KIR2DL1: variants seen among roughly 807,000 people sequenced by gnomAD.
KIR2DL1 encodes the protein killer cell immunoglobulin-like receptor 2DL1.
In KIR2DL1, 38 loss-of-function variants were observed where a neutral mutation model predicts 33.9. That is an observed-to-expected ratio of 1.12 (90% confidence interval 0.86 to 1.47). The LOEUF is 1.47. Ranked by LOEUF, KIR2DL1 falls within the 40% of genes most tolerant of loss-of-function variation. KIR2DL1 has a pLI of 0.00. For missense variants in KIR2DL1, 531 were observed against 433.9 expected (o/e 1.22, Z -1.99); for synonymous variants, 179 against 165.9 (o/e 1.08, Z -0.61).
chr19:54,779,569 T>G lies in KIR2DL1; in HGVS notation c.715+907T>G, dbSNP rs928633615. On this transcript the variant is annotated intron_variant, in intron 5 of 7. Transcript: ENST00000336077. ...GGGGATTCTATTGGGTTCACCAAGA[T>G]GAAAATCCCTCATAATCTCCTGGAA... Among the ~76,000 whole-genome samples, 8 of 146,546 alleles carry G rather than the reference T, an allele frequency of 5.5e-5. 1 individual carries two copies. Among genetic ancestry groups the G allele is most frequent in the African/African-American group, 2.0e-4 (8 of 40,042 alleles).
At chr19:54,779,188 T>C (rs75977233) in intron 5 of KIR2DL1, among the ~76,000 whole-genome samples, 19,235 of 116,994 alleles carry the variant, frequency 0.16, 72 homozygotes, top group South Asian at 0.27. Flanking sequence ...CTGTGCAGTG[T>C]GGAACCTTTT....
intron 4 of KIR2DL1, among the ~76,000 whole-genome samples, chr19:54,778,287 T>C (rs1395254358): frequency 1.3e-5 from 2 of 149,724 alleles, no homozygotes; most frequent in Non-Finnish European, 3.0e-5. Context: ...CCATTGGATG[T>C]AAATGCATGG....
At chr19:54,774,946 A>G (rs1463459254) in intron 3 of KIR2DL1, among the ~76,000 whole-genome samples, 1 of 148,466 alleles carries the variant, frequency 6.7e-6, no homozygotes. Context: ...ACAATCCAAA[A>G]AGAGAAAACA....
Position 54,775,441 on chromosome 19 carries a change from T to A in KIR2DL1, c.647T>A (p.Leu216Gln). Reference protein sequence around the residue: ...PYEWSKSSDPLLVSVTGNPSN... With the variant: ...PYEWSKSSDPQLVSVTGNPSN... ...GAGTGGTCAAAGTCAAGTGACCCAC[T>A]GCTTGTTTCTGTCACAGGTGAGGAA... The change falls in exon 4 of 8, where the codon CTG (leucine) becomes CAG (glutamine). Residue 216 changes from leucine (L) to glutamine (Q), a missense_variant. Leu to Gln is a moderately radical substitution (Grantham distance 113). Transcript: ENST00000336077. 6.3e-7 allele frequency: 1 copy of A among 1,584,456 alleles called. No individual in the cohort carries two copies. Among genetic ancestry groups the A allele is most frequent in the Non-Finnish European group, 8.6e-7 (1 of 1,156,492 alleles).
chr19:54,783,619 G>A lies in KIR2DL1; in HGVS notation c.871-18G>A, dbSNP rs2077314927. On this transcript the variant is annotated intron_variant, in intron 7 of 7. Transcript: ENST00000336077. The stretch of plus-strand genomic sequence containing the variant: ...AAATGTGAGCACCCTCCCTCACTCA[G>A]CATTTCCCTCTCTCCAGGACTCTGA... 6.2e-7 allele frequency: 1 copy of A among 1,613,820 alleles called. No individual in the cohort carries two copies. Among genetic ancestry groups the A allele is most frequent in the Non-Finnish European group, 8.5e-7 (1 of 1,179,960 alleles).
At position 54,782,905 on chromosome 19, in the gene KIR2DL1, G is replaced by A. The variant is rs2077178367; in HGVS notation, c.716-17G>A. 1.9e-6 allele frequency: 3 copies of A among 1,608,346 alleles called. No homozygotes were observed. The highest frequency in any genetic ancestry group is 1.7e-6 in the Non-Finnish European group (2 of 1,175,260). ...CTGCTAAGATTAGCTTCTTATTGGT[G>A]TCTCATCTTCTTCCAGGTAACCCCC... On this transcript the variant is annotated splice_polypyrimidine_tract_variant and intron_variant, in intron 5 of 7. Transcript: ENST00000336077.
At chr19:54,783,398 G>A in intron 6 of KIR2DL1, 88 bp from the exon 7 acceptor site, 3 of 1,472,346 alleles carry the variant, frequency 2.0e-6, no homozygotes, top group Non-Finnish European at 2.8e-6. Flanking sequence ...AGCCACCTAT[G>A]GTCTCCCCCT....
chr19:54,779,569 T>A (rs928633615), intron 5 of KIR2DL1, among the ~76,000 whole-genome samples: 1 of 146,546 alleles, frequency 6.8e-6, no homozygotes, highest in Non-Finnish European at 1.5e-5. Context: ...TTCACCAAGA[T>A]GAAAATCCCT....
intron 2 of KIR2DL1, among the ~76,000 whole-genome samples, chr19:54,772,001 G>A (rs374892840): frequency 1.4e-5 from 2 of 147,806 alleles, no homozygotes; most frequent in South Asian, 4.3e-4. Context: ...ACTGTATTTG[G>A]GGTAAAGGGG....
chr19:54,781,235 C>T (rs1331089353), intron 5 of KIR2DL1, among the ~76,000 whole-genome samples: 2 of 125,700 alleles, frequency 1.6e-5, no homozygotes, highest in Admixed American at 8.5e-5. Context: ...GACAAAGGCA[C>T]CTGAATTCCA....
At chr19:54,771,608 C>A (rs2147421229) in intron 2 of KIR2DL1, among the ~76,000 whole-genome samples, 1 of 147,644 alleles carries the variant, frequency 6.8e-6, no homozygotes, top group East Asian at 1.9e-4. Flanking sequence ...TCCTTCTCCC[C>A]ACGGTGGTCA....
chr19:54,773,468 C>A lies in KIR2DL1; in HGVS notation c.206C>A (p.Thr69Asn). 1 of 1,587,470 alleles carries A rather than the reference C, an allele frequency of 6.3e-7. No individual in the cohort carries two copies. ...CACAGAGAGGGGATGTTTAACGACA[C>A]TTTGCGCCTCATTGGAGAACACCAT... ...LLHREGMFNDTLRLIGEHHDG... is the reference protein window; with the variant it reads ...LLHREGMFNDNLRLIGEHHDG... The change falls in exon 3 of 8, where the codon ACT (threonine) becomes AAT (asparagine). Residue 69 changes from threonine to asparagine, a missense_variant. Thr to Asn is a moderately conservative substitution (Grantham distance 65, BLOSUM62 0). Transcript: ENST00000336077.
chr19:54,783,882 G>A lies in KIR2DL1; in HGVS notation c.*69G>A. 1 of 1,603,044 alleles carries A rather than the reference G, an allele frequency of 6.2e-7. No homozygotes were observed. Among genetic ancestry groups the A allele is most frequent in the South Asian group, 1.1e-5 (1 of 90,866 alleles). ...GCCCTGTCTCAAAACCGGGTTGCCAGCTCCCATGTACCAGCAGCTGGAATC... is the reference window on the plus strand; with the variant it reads ...GCCCTGTCTCAAAACCGGGTTGCCAACTCCCATGTACCAGCAGCTGGAATC... On this transcript the variant is annotated 3_prime_UTR_variant, in exon 8 of 8. Coordinates refer to ENST00000336077, the MANE Select transcript of KIR2DL1 (RefSeq NM_014218.3).
In KIR2DL1 at chr19:54,775,745, C is replaced by T. The variant is rs528275904; in HGVS notation, c.664+287C>T. Among the ~76,000 whole-genome samples the T allele has an allele frequency of 4.8e-4, 71 of 148,538 alleles. 3 individuals are homozygous for T. Among genetic ancestry groups the T allele is most frequent in the South Asian group, 1.5e-3 (7 of 4,730 alleles). On this transcript the variant is annotated intron_variant, in intron 4 of 7. Transcript: ENST00000336077. ...GCTCAGTTTGGGGAGATCAGAGGTT[C>T]CCTCAGCCCCTCAACCTTACCCATT... is the stretch of plus-strand genomic sequence containing the variant.
chr19:54,770,963 G>A lies in KIR2DL1; in HGVS notation c.70+79G>A, dbSNP rs1469789350. 7 of 1,541,548 alleles carry A rather than the reference G, an allele frequency of 4.5e-6. 1 individual carries two copies. The highest frequency in any genetic ancestry group is 1.9e-4 in the Middle Eastern group (1 of 5,222). On this transcript the variant is annotated intron_variant, in intron 2 of 7. Coordinates refer to ENST00000336077, the MANE Select transcript of KIR2DL1 (RefSeq NM_014218.3). ...CTGAAATGGGAGGGAAGTCCTGTCA[G>A]GGAGTCTCTCATAAACTAGGAAGAA...
At position 54,774,549 on chromosome 19, in the gene KIR2DL1, A is replaced by G. The variant is rs1158241189; in HGVS notation, c.371-616A>G. Among the ~76,000 whole-genome samples, 8 of 148,386 alleles carry G rather than the reference A, an allele frequency of 5.4e-5. 1 individual carries two copies. In the East Asian group the frequency reaches 1.6e-3, roughly 29 times the overall value. On this transcript the variant is annotated intron_variant, in intron 3 of 7. Coordinates refer to ENST00000336077, the MANE Select transcript of KIR2DL1 (RefSeq NM_014218.3). ...TAGATGATAAATAGGTAGATGATAG[A>G]TAATAGGTTATAGATACATAGATGA...
rs1011822664 is a variant in KIR2DL1, at chr19:54,778,626, A to T, written c.679A>T (p.Ser227Cys). The T allele has an allele frequency of 5.1e-6, 8 of 1,570,602 alleles. No homozygotes were observed. The highest frequency in any genetic ancestry group is 7.0e-6 in the Non-Finnish European group (8 of 1,147,206). The change falls in exon 5 of 8, where the codon AGT becomes TGT. Residue 227 changes from serine to cysteine, a missense_variant. Coordinates refer to ENST00000336077, the MANE Select transcript of KIR2DL1 (RefSeq NM_014218.3). The part of the protein sequence containing the change: ...LVSVTGNPSN[S>C]WPSPTEPSSK... ...TCATGTTCTAGGAAACCCTTCAAAT[A>T]GTTGGCCTTCACCCACTGAACCAAG...
In KIR2DL1 at chr19:54,771,532, C is replaced by T. The variant is rs1035585345; in HGVS notation, c.70+648C>T. 1.5e-3 allele frequency among the ~76,000 whole-genome samples: 197 copies of T among 134,994 alleles called. 2 individuals are homozygous for T. Among genetic ancestry groups the T allele is most frequent in the African/African-American group, 3.5e-3 (124 of 35,704 alleles). 88.6% of individuals were successfully genotyped at this position (134,994 alleles called of 152,430 possible). On this transcript the variant is annotated intron_variant, in intron 2 of 7. Transcript: ENST00000336077. ...ATAGCAGCCATAGAAACTTGGAAAGCGAGGAGAATCTTCAGAGCACAGGGA... is the reference window on the plus strand; with the variant it reads ...ATAGCAGCCATAGAAACTTGGAAAGTGAGGAGAATCTTCAGAGCACAGGGA...
At chr19:54,780,449 A>G (rs74815812) in intron 5 of KIR2DL1, among the ~76,000 whole-genome samples, 6,557 of 98,268 alleles carry the variant, frequency 0.067, 143 homozygotes, top group African/African-American at 0.088. Flanking sequence ...AGACGACTGT[A>G]GAGAGACGGA....
Sources: allele counts gnomAD v4.1 joint callset (sites outside exome capture counted in the v4.1 genomes callset), GRCh38; gene constraint gnomAD v4.1.1; transcripts MANE v1.5; gene names NCBI Gene and HGNC (gene_info 2026-07-23, HGNC 2026-07-21).